Variants in NCAM2 observed in about 807,000 individuals in gnomAD.
NCAM2 encodes N-CAM-2.
In NCAM2, 30 loss-of-function variants were observed where a neutral mutation model predicts 98.1. That is an observed-to-expected ratio of 0.31 (90% confidence interval 0.23 to 0.41). The LOEUF is 0.41. Ranked by LOEUF, NCAM2 falls within the 10% of genes least tolerant of loss-of-function variation. The pLI, the probability that NCAM2 is intolerant of heterozygous loss-of-function variation, is 1.00. For missense variants in NCAM2, 867 were observed against 1,005.8 expected (o/e 0.86, Z 1.87); for synonymous variants, 368 against 342.4 (o/e 1.07, Z -0.83).
At chr21:21,137,698 C>T (rs2067087218) in intron 1 of NCAM2, among the ~76,000 whole-genome samples, 1 of 152,092 alleles carries the variant, frequency 6.6e-6, no homozygotes, top group African/African-American at 2.4e-5. Context: ...GCAGAGGTTG[C>T]AGTGAGCCGA....
At chr21:21,225,292 A>G (rs945924188) in intron 1 of NCAM2, among the ~76,000 whole-genome samples, 3 of 152,056 alleles carry the variant, frequency 2.0e-5, no homozygotes, top group African/African-American at 4.8e-5. Context: ...AAGATAGCTA[A>G]TACATACTGG....
intron 11 of NCAM2, among the ~76,000 whole-genome samples, chr21:21,427,581 G>T (rs1187232445): frequency 6.6e-6 from 1 of 152,172 alleles, no homozygotes; most frequent in African/African-American, 2.4e-5. Context: ...GCCAGGGGCT[G>T]GGGAGTGGGA....
chr21:21,057,207 G>A (rs899477682), intron 1 of NCAM2, among the ~76,000 whole-genome samples: 3 of 152,012 alleles, frequency 2.0e-5, no homozygotes, highest in African/African-American at 7.2e-5. Context: ...AAACATTGAT[G>A]AGAATATTAT....
At chr21:21,455,536 T>C (rs1298379169) in intron 12 of NCAM2, among the ~76,000 whole-genome samples, 3 of 151,962 alleles carry the variant, frequency 2.0e-5, no homozygotes, top group Non-Finnish European at 4.4e-5. Context: ...ACTGTCCTAA[T>C]AATTTAACTT....
intron 14 of NCAM2, among the ~76,000 whole-genome samples, chr21:21,472,558 T>C (rs1415453650): frequency 6.6e-6 from 1 of 152,038 alleles, no homozygotes; most frequent in East Asian, 1.9e-4. Context: ...GGATGAGTTT[T>C]ATTCTTCTTT....
At chr21:21,076,481 A>T (rs1196141941) in intron 1 of NCAM2, among the ~76,000 whole-genome samples, 2 of 152,054 alleles carry the variant, frequency 1.3e-5, no homozygotes, top group Non-Finnish European at 2.9e-5. Context: ...CCTTTTAAAG[A>T]TCTTTATAGT....
chr21:21,107,015 T>A (rs2066362891), intron 1 of NCAM2, among the ~76,000 whole-genome samples: 1 of 152,144 alleles, frequency 6.6e-6, no homozygotes, highest in South Asian at 2.1e-4. Context: ...TTTGCCTTTT[T>A]AGAGAGAGAC....
At chr21:21,407,659 A>G (rs530906712) in intron 9 of NCAM2, among the ~76,000 whole-genome samples, 2 of 152,338 alleles carry the variant, frequency 1.3e-5, no homozygotes, top group East Asian at 1.9e-4. Flanking sequence ...GTGAAATAGT[A>G]TAATGTTAAA....
chr21:21,322,711 T>C (rs886515928), intron 5 of NCAM2, among the ~76,000 whole-genome samples: 1 of 152,138 alleles, frequency 6.6e-6, no homozygotes, highest in Admixed American at 6.6e-5. Flanking sequence ...AATAGGCATT[T>C]CATGGTTGGT....
intron 1 of NCAM2, among the ~76,000 whole-genome samples, chr21:21,194,239 CA>C (rs1459205141): frequency 1.3e-5 from 2 of 151,956 alleles, no homozygotes; most frequent in Non-Finnish European, 2.9e-5. Context: ...ATGTTTTTTT[CA>C]TTTAAGTATA....
chr21:21,092,937 C>G (rs1208384055), intron 1 of NCAM2, among the ~76,000 whole-genome samples: 1 of 151,900 alleles, frequency 6.6e-6, no homozygotes, highest in Non-Finnish European at 1.5e-5. Context: ...TTCAAATGTT[C>G]TACAGAATTT....
intron 10 of NCAM2, among the ~76,000 whole-genome samples, chr21:21,418,110 T>C (rs1249843437): frequency 6.6e-6 from 1 of 151,956 alleles, no homozygotes; most frequent in Admixed American, 6.6e-5. Flanking sequence ...TATATACATG[T>C]ATACATAAAT....
At chr21:21,241,369 T>C (rs1007778515) in intron 1 of NCAM2, among the ~76,000 whole-genome samples, 12 of 152,168 alleles carry the variant, frequency 7.9e-5, no homozygotes, top group African/African-American at 2.9e-4. Flanking sequence ...TCACAGTTTA[T>C]ATAGGCTGGG....
At chr21:21,263,590 A>G (rs895203881) in intron 1 of NCAM2, among the ~76,000 whole-genome samples, 2 of 152,112 alleles carry the variant, frequency 1.3e-5, no homozygotes, top group Non-Finnish European at 2.9e-5. Flanking sequence ...AAGGCACCAC[A>G]TTGCCTGACT....
At chr21:21,160,115 T>C (rs896372558) in intron 1 of NCAM2, among the ~76,000 whole-genome samples, 1 of 152,068 alleles carries the variant, frequency 6.6e-6, no homozygotes, top group African/African-American at 2.4e-5. Flanking sequence ...TTTAAATATA[T>C]GTACCGTGTA....
chr21:21,481,136 G>A (rs1985846051), intron 15 of NCAM2, among the ~76,000 whole-genome samples: 1 of 152,162 alleles, frequency 6.6e-6, no homozygotes, highest in South Asian at 2.1e-4. Context: ...GTTGATGTCT[G>A]TAGTACTCAT....
intron 8 of NCAM2, among the ~76,000 whole-genome samples, chr21:21,355,311 T>G (rs948310080): frequency 5.3e-5 from 8 of 150,932 alleles, no homozygotes. Flanking sequence ...GGTGTGCACC[T>G]GTAGTTCCAG....
chr21:21,533,553 G>A (rs1253785352), intron 16 of NCAM2, among the ~76,000 whole-genome samples: 1 of 151,312 alleles, frequency 6.6e-6, no homozygotes, highest in Non-Finnish European at 1.5e-5. Context: ...AGACAAGTTG[G>A]TTACAATTTT....
At chr21:21,300,973 A>G (rs2073691102) in intron 5 of NCAM2, among the ~76,000 whole-genome samples, 1 of 152,048 alleles carries the variant, frequency 6.6e-6, no homozygotes. Context: ...GTATGTGTAT[A>G]TATAGATATG....
Sources: gnomAD v4.1 joint callset for allele counts (sites outside exome capture counted in the v4.1 genomes callset) on GRCh38, gnomAD v4.1.1 for gene constraint, MANE v1.5 for transcripts, NCBI Gene and HGNC (gene_info 2026-07-23, HGNC 2026-07-21) for gene names.